Variants in SDK1 observed in about 807,000 individuals in gnomAD.
SDK1 encodes the protein sidekick cell adhesion molecule 1, also known as protein sidekick-1.
A neutral mutation model predicts 245.5 loss-of-function variants in SDK1; 157 were observed. That is an observed-to-expected ratio of 0.64 (90% CI 0.56 to 0.73). SDK1 has a LOEUF of 0.73. Ranked by LOEUF, SDK1 falls within the 30% of genes least tolerant of loss-of-function variation. The pLI, the probability that SDK1 is intolerant of heterozygous loss-of-function variation, is 0.00. For synonymous variants in SDK1, 1,647 were observed against 1,278.5 expected (o/e 1.29, Z -6.15); for missense variants, 3,583 against 3,002.3 (o/e 1.19, Z -4.52).
At chr7:3,314,027 T>G (rs1467511078) in intron 1 of SDK1, among the ~76,000 whole-genome samples, 1 of 152,166 alleles carries the variant, frequency 6.6e-6, no homozygotes, top group Non-Finnish European at 1.5e-5. Context: ...GTTGCTTCCT[T>G]CAGAGAGCTT....
intron 1 of SDK1, among the ~76,000 whole-genome samples, chr7:3,618,721 T>A (rs1474366394): frequency 3.9e-5 from 6 of 152,244 alleles, no homozygotes; most frequent in African/African-American, 1.4e-4. Flanking sequence ...ATAGCCTGCA[T>A]ACACTTGACT....
At chr7:3,659,590 A>G (rs1164613683) in intron 4 of SDK1, among the ~76,000 whole-genome samples, 4 of 152,076 alleles carry the variant, frequency 2.6e-5, no homozygotes, top group Non-Finnish European at 2.9e-5. Flanking sequence ...GTCGGCAGGG[A>G]CTAGATTGTG....
At chr7:4,191,851 C>T (rs1261020889) in intron 35 of SDK1, among the ~76,000 whole-genome samples, 1 of 152,210 alleles carries the variant, frequency 6.6e-6, no homozygotes, top group Admixed American at 6.5e-5. Context: ...GGCAGACCAC[C>T]CCTCCCAGGG....
chr7:3,496,458 C>CTT (rs76227321), intron 1 of SDK1, among the ~76,000 whole-genome samples: 201 of 142,794 alleles, frequency 1.4e-3, no homozygotes, highest in African/African-American at 4.9e-3. Flanking sequence ...GTGTTTTTAA[C>CTT]TTTTTTTTTT....
At chr7:3,947,074 C>T (rs1265186871) in intron 5 of SDK1, among the ~76,000 whole-genome samples, 2 of 152,186 alleles carry the variant, frequency 1.3e-5, no homozygotes, top group Non-Finnish European at 2.9e-5. Context: ...CTTCACACAT[C>T]CTTCTCAAAA....
chr7:4,238,537 T>G (rs1331560279), intron 42 of SDK1, among the ~76,000 whole-genome samples: 1 of 151,262 alleles, frequency 6.6e-6, no homozygotes, highest in African/African-American at 2.4e-5. Flanking sequence ...TACTCCAGCC[T>G]GGACAACAAA....
intron 7 of SDK1, among the ~76,000 whole-genome samples, chr7:3,953,518 G>C (rs1780995781): frequency 6.6e-6 from 1 of 152,200 alleles, no homozygotes; most frequent in Non-Finnish European, 1.5e-5. Flanking sequence ...AGGTTGATCT[G>C]TAGTTCTAGG....
In SDK1 at chr7:4,265,246, C is replaced by T; in HGVS notation, c.6504C>T (p.His2168=). 6.2e-7 allele frequency: 1 copy of T among 1,606,170 alleles called. No homozygotes were observed. The highest frequency in any genetic ancestry group is 1.7e-5 in the Admixed American group (1 of 59,880). Reference sequence around the variant, plus strand: ...CCCAGGGCCGCGCACCTGCGCCGCACAGGTACGAGGCGGTGGCGGGCTCCG... The same window carrying T: ...CCCAGGGCCGCGCACCTGCGCCGCATAGGTACGAGGCGGTGGCGGGCTCCG... ...RRAQGRAPAP[H]RYEAVAGSEA... is the part of the protein sequence containing the mutation. The change falls in exon 45 of 45, where the codon CAC becomes CAT. Residue 2168 remains histidine (H), a synonymous_variant. Transcript: ENST00000404826.
At chr7:3,659,446 G>A (rs534424403) in intron 4 of SDK1, among the ~76,000 whole-genome samples, 6 of 152,280 alleles carry the variant, frequency 3.9e-5, no homozygotes, top group African/African-American at 1.2e-4. Flanking sequence ...AGGAGCCAGC[G>A]ACTTGAAGAA....
At chr7:3,730,535 G>C (rs539758927) in intron 4 of SDK1, among the ~76,000 whole-genome samples, 1 of 152,130 alleles carries the variant, frequency 6.6e-6, no homozygotes, top group Non-Finnish European at 1.5e-5. Context: ...GAGCAAGTAC[G>C]GGTGCCAGCG....
intron 5 of SDK1, among the ~76,000 whole-genome samples, chr7:3,853,682 G>A (rs1040540063): frequency 2.0e-5 from 3 of 152,004 alleles, no homozygotes; most frequent in Non-Finnish European, 2.9e-5. Context: ...TGAGCATCAC[G>A]TTGGTGCTCA....
At chr7:3,329,608 A>G (rs1026235367) in intron 1 of SDK1, among the ~76,000 whole-genome samples, 1 of 152,180 alleles carries the variant, frequency 6.6e-6, no homozygotes, top group African/African-American at 2.4e-5. Context: ...GACATTTCAT[A>G]TAAGTAGAAT....
In SDK1 at chr7:4,011,810, A is replaced by G. The variant is rs548396360; in HGVS notation, c.2280-285A>G. 1.7e-3 allele frequency among the ~76,000 whole-genome samples: 255 copies of G among 152,308 alleles called. 1 individual carries two copies. Among genetic ancestry groups the G allele is most frequent in the South Asian group, 0.016 (79 of 4,818 alleles). On this transcript the variant is annotated intron_variant, in intron 15 of 44. Transcript: ENST00000404826. ...GGCAGGCCGACGAGCGGACGCATTCAGGCTTGCAGTCTTTCTAAAGGGCTG... is the reference window on the plus strand; with the variant it reads ...GGCAGGCCGACGAGCGGACGCATTCGGGCTTGCAGTCTTTCTAAAGGGCTG...
intron 1 of SDK1, among the ~76,000 whole-genome samples, chr7:3,556,959 T>C (rs926756157): frequency 1.3e-5 from 2 of 151,992 alleles, no homozygotes; most frequent in African/African-American, 4.8e-5. Flanking sequence ...CCCTTAAATA[T>C]TTACACATAC....
intron 4 of SDK1, among the ~76,000 whole-genome samples, chr7:3,742,711 T>C (rs1481722648): frequency 6.7e-6 from 1 of 150,008 alleles, no homozygotes; most frequent in African/African-American, 2.5e-5. Context: ...TAAAATTATA[T>C]ACTTTTTATT....
chr7:3,415,793 G>C (rs1174026707), intron 1 of SDK1, among the ~76,000 whole-genome samples: 1 of 151,830 alleles, frequency 6.6e-6, no homozygotes, highest in Non-Finnish European at 1.5e-5. Context: ...TAGGGACTAT[G>C]TTTTCTTCAC....
chr7:3,437,495 G>C (rs1455369959), intron 1 of SDK1, among the ~76,000 whole-genome samples: 1 of 152,120 alleles, frequency 6.6e-6, no homozygotes, highest in Non-Finnish European at 1.5e-5. Context: ...TGATCGGCTG[G>C]GTGCAGTGGC....
At chr7:3,495,969 A>G (rs1186076194) in intron 1 of SDK1, among the ~76,000 whole-genome samples, 2 of 152,238 alleles carry the variant, frequency 1.3e-5, no homozygotes, top group Non-Finnish European at 2.9e-5. Flanking sequence ...CAACTAGAAC[A>G]TACTTATCTT....
intron 1 of SDK1, among the ~76,000 whole-genome samples, chr7:3,516,684 G>A (rs969731389): frequency 2.0e-5 from 3 of 152,112 alleles, no homozygotes; most frequent in Non-Finnish European, 4.4e-5. Context: ...TGAATTATGT[G>A]TTTGTATAAA....
Sources: gnomAD v4.1 joint callset for allele counts (sites outside exome capture counted in the v4.1 genomes callset) on GRCh38, gnomAD v4.1.1 for gene constraint, MANE v1.5 for transcripts, NCBI Gene and HGNC (gene_info 2026-07-23, HGNC 2026-07-21) for gene names.